Variants in NUP85 observed in about 807,000 individuals in gnomAD.
NUP85 encodes the protein nucleoporin 85.
Under a neutral mutation model 92.8 loss-of-function variants are expected in NUP85, and 23 were observed. The ratio of observed to expected loss-of-function variants is 0.25; its 90% CI spans 0.18 to 0.35. The LOEUF (loss-of-function observed/expected upper bound fraction) is 0.35, where lower values mean the gene tolerates loss of function less well. NUP85 is among the 10% of genes least tolerant of loss of function. The pLI, the probability that NUP85 is intolerant of heterozygous loss-of-function variation, is 1.00. For missense variants in NUP85, 759 were observed against 822.8 expected (o/e 0.92, Z 0.95); for synonymous variants, 314 against 306.9 (o/e 1.02, Z -0.24).
chr17:75,211,931 T>G (rs2075271019), intron 3 of NUP85, 61 bp from the exon 4 acceptor site: 1 of 1,314,452 alleles, frequency 7.6e-7, no homozygotes, highest in East Asian at 2.4e-5. Context: ...GAGTGTTTCC[T>G]TCCTTTGTGG....
At chr17:75,206,040 C>A (rs1240061630) in intron 1 of NUP85, among the ~76,000 whole-genome samples, 4 of 152,090 alleles carry the variant, frequency 2.6e-5, no homozygotes, top group African/African-American at 4.8e-5. Flanking sequence ...CCTTTCCTTC[C>A]TTTGTGTTCC....
chr17:75,206,317 T>C, intron 1 of NUP85, among the ~76,000 whole-genome samples: 1 of 152,140 alleles, frequency 6.6e-6, no homozygotes. Flanking sequence ...TCACGCGCTT[T>C]ATGTACGAGA....
At chr17:75,216,595 G>A (rs184906699) in intron 6 of NUP85, among the ~76,000 whole-genome samples, 2 of 152,270 alleles carry the variant, frequency 1.3e-5, no homozygotes. Flanking sequence ...ACTGTGGTCA[G>A]TATAGTGTCA....
In NUP85 at chr17:75,209,946, G is replaced by T; in HGVS notation, c.251G>T (p.Arg84Ile). The stretch of plus-strand genomic sequence containing the variant: ...CATGGAATCTTTCTGGGCCTCCAGA[G>T]AATTGACGAAGAGTTGACTGGAAAA... ...ESHGIFLGLQ[R>I]IDEELTGKSR... The change falls in exon 3 of 19, where the codon AGA becomes ATA. Residue 84 changes from arginine to isoleucine, a missense_variant. Physicochemically the swap from Arg to Ile is moderately conservative, Grantham distance 97. Transcript: ENST00000245544. 6.3e-7 allele frequency: 1 copy of T among 1,583,520 alleles called. No homozygotes were observed. Among genetic ancestry groups the T allele is most frequent in the Middle Eastern group, 1.7e-4 (1 of 6,006 alleles).
intron 7 of NUP85, among the ~76,000 whole-genome samples, chr17:75,224,756 C>T (rs56093717): frequency 0.038 from 5,634 of 149,386 alleles, 355 homozygotes; most frequent in African/African-American, 0.13. Flanking sequence ...CGCTTGAACC[C>T]GGGAAGTGGA....
intron 9 of NUP85, 97 bp from the exon 10 acceptor site, chr17:75,225,601 C>T (rs2075762888): frequency 3.2e-6 from 5 of 1,578,542 alleles, no homozygotes; most frequent in Admixed American, 1.7e-5. Context: ...AGCTTTCAGA[C>T]TAGTTGAAAT....
At position 75,226,122 on chromosome 17, in the gene NUP85, T is replaced by G. The variant is rs1346754230; in HGVS notation, c.1059T>G (p.Phe353Leu). 6.2e-7 allele frequency: 1 copy of G among 1,614,094 alleles called. No individual in the cohort carries two copies. The highest frequency in any genetic ancestry group is 1.3e-5 in the African/African-American group (1 of 75,002). Residue 353 changes from phenylalanine to leucine, a missense_variant, in exon 11 of 19, where the codon TTT (phenylalanine) becomes TTG (leucine). Physicochemically the swap from Phe to Leu is conservative, Grantham distance 22 (BLOSUM62 0). Coordinates refer to ENST00000245544, the MANE Select transcript of NUP85 (RefSeq NM_024844.5). Reference sequence around the variant, plus strand: ...TGGACAACATCTTGTTGGCAGCCTTTGAGTTTGACATCCATCAAGTAATCA... The same window carrying G: ...TGGACAACATCTTGTTGGCAGCCTTGGAGTTTGACATCCATCAAGTAATCA... ...EPLDNILLAA[F>L]EFDIHQVIKE...
At chr17:75,218,408 C>A in intron 7 of NUP85, 102 bp downstream of exon 7, 1 of 1,425,024 alleles carries the variant, frequency 7.0e-7, no homozygotes, top group Admixed American at 1.8e-5. Context: ...AGTAGGCTGG[C>A]TTTTGGAGTC....
chr17:75,221,166 C>T lies in NUP85; in HGVS notation c.597+2860C>T, dbSNP rs555909887. The stretch of plus-strand genomic sequence containing the variant: ...AAGTGGTGGGTTTACAGGCGTGAGC[C>T]GCCACGCCCGGCTAACCCAATTATT... On this transcript the variant is annotated intron_variant, in intron 7 of 18. Coordinates refer to ENST00000245544, the MANE Select transcript of NUP85 (RefSeq NM_024844.5). Among the ~76,000 whole-genome samples, 446 of 152,036 alleles carry T rather than the reference C, an allele frequency of 2.9e-3. 5 individuals carry two copies. Among genetic ancestry groups the T allele is most frequent in the African/African-American group, 0.01 (428 of 41,458 alleles).
At chr17:75,224,291 C>A (rs751706679) in intron 7 of NUP85, among the ~76,000 whole-genome samples, 1 of 151,916 alleles carries the variant, frequency 6.6e-6, no homozygotes. Context: ...GTGATCTGCC[C>A]GTCTTGGCCT....
chr17:75,226,099 GACA>G lies in NUP85; in HGVS notation c.1040_1042del (p.Asn347del), dbSNP rs1055492798. ...AGGTGAGAGCAGCCCAGAACCCCTG[GACA>G]ACATCTTGTTGGCAGCCTTTGAGTT... On this transcript the variant is annotated inframe_deletion, in exon 11 of 19. Transcript: ENST00000245544. 1 of 1,613,968 alleles carries G rather than the reference GACA, an allele frequency of 6.2e-7. No individual in the cohort carries two copies. Among genetic ancestry groups the G allele is most frequent in the African/African-American group, 1.3e-5 (1 of 74,892 alleles).
intron 7 of NUP85, among the ~76,000 whole-genome samples, chr17:75,218,588 GTTTTT>G (rs67761124): frequency 1.2e-5 from 1 of 82,840 alleles, no homozygotes; most frequent in African/African-American, 4.7e-5. Context: ...ATACAAAACC[GTTTTT>G]TTTTTTTTTT....
At position 75,205,733 on chromosome 17, in the gene NUP85, C is replaced by T; in HGVS notation, c.-29C>T. 3 of 1,614,016 alleles carry T rather than the reference C, an allele frequency of 1.9e-6. No individual in the cohort carries two copies. Among genetic ancestry groups the T allele is most frequent in the Non-Finnish European group, 2.5e-6 (3 of 1,179,924 alleles). Reference sequence around the variant, plus strand: ...TGAGCGGGAAGCATTGGCGTCCGAGCGACTTCTAGGAGCCTGGGGTTCGGC... The same window carrying T: ...TGAGCGGGAAGCATTGGCGTCCGAGTGACTTCTAGGAGCCTGGGGTTCGGC... On this transcript the variant is annotated 5_prime_UTR_variant, in exon 1 of 19. Coordinates refer to ENST00000245544, the MANE Select transcript of NUP85 (RefSeq NM_024844.5).
At chr17:75,230,444 CCG>C (rs1049789443) in intron 11 of NUP85, among the ~76,000 whole-genome samples, 5 of 151,642 alleles carry the variant, frequency 3.3e-5, no homozygotes, top group Non-Finnish European at 5.9e-5. Context: ...ACTGCAAGCC[CCG>C]CCTCCTAGGT....
intron 14 of NUP85, 114 bp from the exon 15 acceptor site, chr17:75,232,737 A>G (rs1023397349): frequency 8.0e-6 from 7 of 878,984 alleles, no homozygotes; most frequent in African/African-American, 1.6e-5. Flanking sequence ...TTAGAGCCCA[A>G]AGAGTGGCTC....
chr17:75,232,087 C>T (rs1186207926), intron 14 of NUP85, 108 bp downstream of exon 14: 6 of 1,202,496 alleles, frequency 5.0e-6, no homozygotes, highest in Middle Eastern at 2.7e-4. Context: ...ACGAGCCACA[C>T]TGGAGACGTG....
chr17:75,235,270 C>G, intron 18 of NUP85, 69 bp downstream of exon 18: 1 of 1,159,388 alleles, frequency 8.6e-7, no homozygotes, highest in Non-Finnish European at 1.3e-6. Context: ...CTCAGGCTTC[C>G]CCTTCCCTCC....
At chr17:75,205,869 C>T (rs1220548100) in intron 1 of NUP85, 75 bp downstream of exon 1, 3 of 1,544,870 alleles carry the variant, frequency 1.9e-6, no homozygotes, top group Admixed American at 1.7e-5. Flanking sequence ...TCAGGCTTGT[C>T]TGCTTCCCTA....
intron 14 of NUP85, 82 bp downstream of exon 14, chr17:75,232,061 A>T: frequency 6.8e-7 from 1 of 1,476,486 alleles, no homozygotes; most frequent in Middle Eastern, 2.2e-4. Flanking sequence ...TGCCTACCCC[A>T]GCCATCCTCC....
Sources: allele counts gnomAD v4.1 joint callset (sites outside exome capture counted in the v4.1 genomes callset), GRCh38; gene constraint gnomAD v4.1.1; transcripts MANE v1.5; gene names NCBI Gene and HGNC (gene_info 2026-07-23, HGNC 2026-07-21).